ANO10: variants seen among roughly 807,000 people sequenced by gnomAD.
ANO10 encodes anoctamin-10.
In ANO10, 77 loss-of-function variants were observed where a neutral mutation model predicts 74.7. The observed-to-expected ratio is 1.03, with a 90% CI of 0.86 to 1.25. The LOEUF is 1.25. Among genes scored for constraint, ANO10 ranks in the 50% most tolerant of loss-of-function variants. The pLI, the probability that ANO10 is intolerant of heterozygous loss-of-function variation, is 0.00. For synonymous variants in ANO10, 279 were observed against 284.9 expected (o/e 0.98, Z 0.21); for missense variants, 721 against 778.1 (o/e 0.93, Z 0.87).
At chr3:43,502,847 A>G (rs189558776) in intron 11 of ANO10, among the ~76,000 whole-genome samples, 5 of 152,350 alleles carry the variant, frequency 3.3e-5, no homozygotes, top group African/African-American at 1.2e-4. Context: ...CAAGTACTAT[A>G]TGACTCCACT....
intron 1 of ANO10, among the ~76,000 whole-genome samples, chr3:43,678,614 A>G (rs1214984340): frequency 1.3e-5 from 2 of 152,162 alleles, no homozygotes; most frequent in Non-Finnish European, 2.9e-5. Flanking sequence ...GAACCCCTTT[A>G]GAGTTGTGAG....
At chr3:43,603,923 G>A (rs1189411152) in intron 2 of ANO10, among the ~76,000 whole-genome samples, 2 of 152,274 alleles carry the variant, frequency 1.3e-5, no homozygotes, top group East Asian at 3.9e-4. Context: ...GTAGGGGAAA[G>A]GGGAATGGTA....
chr3:43,629,472 G>A (rs2083525347), intron 1 of ANO10, among the ~76,000 whole-genome samples: 1 of 152,090 alleles, frequency 6.6e-6, no homozygotes, highest in African/African-American at 2.4e-5. Flanking sequence ...GGGGAATTCT[G>A]AGCAGATGAG....
rs532018272 is a variant in ANO10 at position 43,457,851 on chromosome 3, G to A, written c.1798-25124C>T. On this transcript the variant is annotated intron_variant, in intron 11 of 12. Transcript: ENST00000292246. ...GGAGCTGCCACTTGAAATGCTCAGT[G>A]CAACATGGAGAGTTCTGCAGTGGTG... Among the ~76,000 whole-genome samples, 13 of 152,284 alleles carry A rather than the reference G, an allele frequency of 8.5e-5. No homozygotes were observed. In the East Asian group the frequency reaches 1.9e-3, roughly 23 times the overall value.
chr3:43,475,660 G>A (rs755153454), intron 11 of ANO10, among the ~76,000 whole-genome samples: 4 of 152,110 alleles, frequency 2.6e-5, no homozygotes, highest in Non-Finnish European at 4.4e-5. Flanking sequence ...GTGCAATGGC[G>A]CAACCTTGGC....
rs372756200 is a variant in ANO10, at chr3:43,492,478, T to G, written c.1797+57242A>C. The stretch of plus-strand genomic sequence containing the variant: ...ACTAAAGAGCTTCTGCACAGCAAAA[T>G]AAACTATCATCAGAGTCAACACGCA... On this transcript the variant is annotated intron_variant, in intron 11 of 12. Coordinates refer to ENST00000292246, the MANE Select transcript of ANO10 (RefSeq NM_018075.5). Among the ~76,000 whole-genome samples, 22 of 152,080 alleles carry G rather than the reference T, an allele frequency of 1.4e-4. 1 individual carries two copies. Among genetic ancestry groups the G allele is most frequent in the East Asian group, 7.7e-4 (4 of 5,170 alleles).
chr3:43,541,595 G>A (rs980456185), intron 11 of ANO10, among the ~76,000 whole-genome samples: 2 of 151,948 alleles, frequency 1.3e-5, no homozygotes, highest in Admixed American at 1.3e-4. Flanking sequence ...TTAAGTAATT[G>A]GCACTAACTA....
At position 43,528,761 on chromosome 3, in the gene ANO10, C is replaced by A. The variant is rs953282195; in HGVS notation, c.1797+20959G>T. Among the ~76,000 whole-genome samples the A allele has an allele frequency of 3.8e-4, 58 of 152,096 alleles. 1 individual carries two copies. The highest frequency in any genetic ancestry group is 1.3e-4 in the Non-Finnish European group (9 of 68,008). The stretch of plus-strand genomic sequence containing the variant: ...ACACAATATTAAAAACTGTAACTTA[C>A]CAGCCTGGGCAACATGGCAAAACCC... On this transcript the variant is annotated intron_variant, in intron 11 of 12. Transcript: ENST00000292246.
intron 11 of ANO10, among the ~76,000 whole-genome samples, chr3:43,546,711 C>G (rs546575052): frequency 6.7e-6 from 1 of 150,166 alleles, no homozygotes; most frequent in South Asian, 2.1e-4. Context: ...GATGTTGAAA[C>G]AGTGAACTTG....
chr3:43,572,901 G>A (rs938727520), intron 7 of ANO10, among the ~76,000 whole-genome samples: 1 of 152,082 alleles, frequency 6.6e-6, no homozygotes, highest in African/African-American at 2.4e-5. Flanking sequence ...AAAAGCAAAA[G>A]CCTGGGAAGG....
chr3:43,680,350 A>G (rs1361723379), intron 1 of ANO10, among the ~76,000 whole-genome samples: 9 of 152,226 alleles, frequency 5.9e-5, no homozygotes, highest in Non-Finnish European at 1.3e-4. Flanking sequence ...TTGAAGATCA[A>G]ATGAATGAAA....
intron 11 of ANO10, among the ~76,000 whole-genome samples, chr3:43,452,230 A>G (rs901947926): frequency 5.3e-5 from 8 of 152,314 alleles, no homozygotes; most frequent in African/African-American, 1.7e-4. Flanking sequence ...AAAGTATATA[A>G]TTCAATACCT....
chr3:43,691,161 C>A, intron 1 of ANO10: 1 of 1,001,658 alleles, frequency 1.0e-6, no homozygotes, highest in Non-Finnish European at 1.3e-6. Flanking sequence ...GGGCGGCTTC[C>A]TCGACCCTCC....
chr3:43,507,305 C>A (rs1451351829), intron 11 of ANO10, among the ~76,000 whole-genome samples: 1 of 151,998 alleles, frequency 6.6e-6, no homozygotes, highest in Non-Finnish European at 1.5e-5. Flanking sequence ...GGGTTGTATT[C>A]TTCCCCTTCC....
intron 11 of ANO10, among the ~76,000 whole-genome samples, chr3:43,462,263 CTT>C (rs375956010): frequency 2.0e-5 from 3 of 152,252 alleles, no homozygotes; most frequent in Non-Finnish European, 4.4e-5. Context: ...GAGGTTTGCT[CTT>C]GTCACCCAGG....
chr3:43,601,905 G>A (rs557941814), intron 2 of ANO10, among the ~76,000 whole-genome samples: 1 of 152,324 alleles, frequency 6.6e-6, no homozygotes, highest in South Asian at 2.1e-4. Flanking sequence ...TTGAAGAACA[G>A]GGTTGACCGC....
chr3:43,549,926 A>C, intron 10 of ANO10, 78 bp from the exon 11 acceptor site: 1 of 1,512,452 alleles, frequency 6.6e-7, no homozygotes, highest in Non-Finnish European at 9.1e-7. Flanking sequence ...TGTTATCTAA[A>C]AATCAAGGAA....
Position 43,512,989 on chromosome 3 carries a change from C to T in ANO10, c.1797+36731G>A, listed in dbSNP as rs1257372167. Among the ~76,000 whole-genome samples, 3 of 152,132 alleles carry T rather than the reference C, an allele frequency of 2.0e-5. No homozygotes were observed. The East Asian group carries it at 5.8e-4, about 29-fold the overall frequency. On this transcript the variant is annotated intron_variant, in intron 11 of 12. Transcript: ENST00000292246. ...GACTTTCTGAGTCATGATGAGAATC[C>T]AGGGACAACATGGCACCAGCTGTTT...
chr3:43,613,451 C>T (rs1239012376), intron 1 of ANO10, among the ~76,000 whole-genome samples: 1 of 152,080 alleles, frequency 6.6e-6, no homozygotes, highest in Non-Finnish European at 1.5e-5. Context: ...AGAAGACTGG[C>T]CTGACCAGAG....
Sources: gnomAD v4.1 joint callset for allele counts (sites outside exome capture counted in the v4.1 genomes callset) on GRCh38, gnomAD v4.1.1 for gene constraint, MANE v1.5 for transcripts, NCBI Gene and HGNC (gene_info 2026-07-23, HGNC 2026-07-21) for gene names.